MOXD1: variants seen among roughly 807,000 people sequenced by gnomAD.
MOXD1 encodes DBH-like monooxygenase protein 1.
MOXD1 carries 62 observed loss-of-function variants against 66.6 expected under a neutral mutation model. The ratio of observed to expected loss-of-function variants is 0.93; its 90% CI spans 0.76 to 1.15. The LOEUF (loss-of-function observed/expected upper bound fraction) is 1.15, where lower values mean the gene tolerates loss of function less well. Among genes scored for constraint, MOXD1 ranks in the 50% most tolerant of loss-of-function variants. MOXD1 has a pLI of 0.00. For synonymous variants in MOXD1, 303 were observed against 281.9 expected (o/e 1.07, Z -0.75); for missense variants, 847 against 754.6 (o/e 1.12, Z -1.44).
intron 4 of MOXD1, among the ~76,000 whole-genome samples, chr6:132,331,790 T>A (rs1208769751): frequency 1.3e-5 from 2 of 152,302 alleles, no homozygotes; most frequent in East Asian, 3.9e-4. Context: ...CCAAAGTCTG[T>A]ACTTTCCTAC....
chr6:132,386,434 A>AAAC (rs1562300069), intron 1 of MOXD1, among the ~76,000 whole-genome samples: 7 of 111,880 alleles, frequency 6.3e-5, no homozygotes, highest in African/African-American at 2.1e-4. Context: ...AAAACAAAAC[A>AAAC]AAAAAAAAAA....
chr6:132,348,130 A>T (rs1006063206), intron 4 of MOXD1, among the ~76,000 whole-genome samples: 3 of 152,156 alleles, frequency 2.0e-5, no homozygotes, highest in Non-Finnish European at 4.4e-5. Flanking sequence ...AAAGGTCCTA[A>T]ATCTCCTGTT....
intron 4 of MOXD1, among the ~76,000 whole-genome samples, chr6:132,340,637 C>CTTTTTTTTTTTTTTT (rs1582582157): frequency 3.9e-5 from 4 of 102,984 alleles, no homozygotes; most frequent in African/African-American, 2.5e-4. Context: ...CAACAAGACT[C>CTTTTTTTTTTTTTTT]ATTTTTTTTT....
At chr6:132,349,388 TATATACAC>T (rs1775738152) in intron 4 of MOXD1, among the ~76,000 whole-genome samples, 1 of 84,788 alleles carries the variant, frequency 1.2e-5, no homozygotes, top group Non-Finnish European at 2.3e-5. Flanking sequence ...CATGTATATA[TATATACAC>T]ATATATATAC....
chr6:132,296,796 A>G lies in MOXD1; in HGVS notation c.*357T>C. 6.2e-6 allele frequency: 1 copy of G among 161,034 alleles called. No homozygotes were observed. Among genetic ancestry groups the G allele is most frequent in the Non-Finnish European group, 1.4e-5 (1 of 73,884 alleles). The allele number at this position is 161,034 out of a possible 1,614,324, so 10.0% of individuals were successfully genotyped here. A position where few individuals can be genotyped will look rare whatever the true frequency, so the allele number is the denominator to read the frequency against. On this transcript the variant is annotated 3_prime_UTR_variant, in exon 12 of 12. Transcript: ENST00000367963. ...AGGAAGGAATTTTTTAAAGAAATAT[A>G]AAAGTCAAGTCAAAAAGTGAAATAG...
chr6:132,324,423 A>G (rs1775144760), intron 6 of MOXD1, among the ~76,000 whole-genome samples: 1 of 152,218 alleles, frequency 6.6e-6, no homozygotes, highest in Admixed American at 6.5e-5. Flanking sequence ...GAAGATTCTA[A>G]AGTCATTCAT....
At chr6:132,382,256 T>C (rs1482936408) in intron 1 of MOXD1, among the ~76,000 whole-genome samples, 8 of 152,152 alleles carry the variant, frequency 5.3e-5, no homozygotes, top group Admixed American at 3.9e-4. Context: ...ATCATGATTC[T>C]GTATAAATTT....
rs78814127 is a variant in MOXD1 at position 132,311,102 on chromosome 6, G to A, written c.1508+4533C>T. On this transcript the variant is annotated intron_variant, in intron 10 of 11. Coordinates refer to ENST00000367963, the MANE Select transcript of MOXD1 (RefSeq NM_015529.4). The stretch of plus-strand genomic sequence containing the variant: ...AAGTAAAGGAAAAATTCCTCCATTC[G>A]TCCAGAGAGATCTCCCAAGGGAAAG... 1.2e-4 allele frequency among the ~76,000 whole-genome samples: 19 copies of A among 152,110 alleles called. No homozygotes were observed. The East Asian group carries it at 2.3e-3, about 19-fold the overall frequency.
intron 1 of MOXD1, among the ~76,000 whole-genome samples, chr6:132,396,540 C>A (rs1776879782): frequency 7.4e-6 from 1 of 135,418 alleles, no homozygotes; most frequent in African/African-American, 3.0e-5. Flanking sequence ...ATCAGAGCAA[C>A]ACTAAACAAA....
chr6:132,308,973 C>T (rs972726863), intron 10 of MOXD1, among the ~76,000 whole-genome samples: 2 of 152,112 alleles, frequency 1.3e-5, no homozygotes, highest in Non-Finnish European at 1.5e-5. Context: ...ACAAGGATGC[C>T]CTCTCTCACC....
intron 4 of MOXD1, among the ~76,000 whole-genome samples, chr6:132,346,463 T>G (rs1343357087): frequency 2.0e-5 from 3 of 152,138 alleles, no homozygotes; most frequent in Non-Finnish European, 4.4e-5. Flanking sequence ...TCAATGACAT[T>G]TTTTATTTCT....
chr6:132,335,619 C>T (rs1775420921), intron 4 of MOXD1, among the ~76,000 whole-genome samples: 1 of 152,180 alleles, frequency 6.6e-6, no homozygotes, highest in African/African-American at 2.4e-5. Context: ...TGGAAGGAAC[C>T]TGGCCCTGCC....
chr6:132,364,048 T>A (rs972474703), intron 4 of MOXD1, among the ~76,000 whole-genome samples: 3 of 151,820 alleles, frequency 2.0e-5, no homozygotes, highest in Non-Finnish European at 4.4e-5. Context: ...GAAGAAAAAT[T>A]AAAAAATAAA....
chr6:132,399,311 T>C (rs1776968319), intron 1 of MOXD1, among the ~76,000 whole-genome samples: 1 of 152,246 alleles, frequency 6.6e-6, no homozygotes, highest in South Asian at 2.1e-4. Context: ...AATGATTTTA[T>C]TTCCTTAGGA....
Position 132,309,449 on chromosome 6 carries a change from C to T in MOXD1, c.1508+6186G>A, listed in dbSNP as rs1334643637. Among the ~76,000 whole-genome samples the T allele has an allele frequency of 2.0e-5, 3 of 152,052 alleles. 1 individual carries two copies. The highest frequency in any genetic ancestry group is 4.1e-4 in the South Asian group (2 of 4,830). On this transcript the variant is annotated intron_variant, in intron 10 of 11. Transcript: ENST00000367963. ...TCATGAAAATGGTCATACTGCCCAA[C>T]GTAATTTATAGATTCAACGCTATTT...
At chr6:132,299,588 G>T (rs1042300736) in intron 10 of MOXD1, among the ~76,000 whole-genome samples, 2 of 152,224 alleles carry the variant, frequency 1.3e-5, no homozygotes, top group African/African-American at 4.8e-5. Context: ...CAGAAAAAGT[G>T]AAGTGAAAAA....
intron 1 of MOXD1, among the ~76,000 whole-genome samples, chr6:132,384,492 C>G (rs191141715): frequency 6.6e-6 from 1 of 152,148 alleles, no homozygotes; most frequent in Admixed American, 6.5e-5. Context: ...GAAACTTAAA[C>G]AATAAAATAT....
intron 4 of MOXD1, among the ~76,000 whole-genome samples, chr6:132,364,756 A>G (rs1380348639): frequency 6.6e-6 from 1 of 152,222 alleles, no homozygotes; most frequent in Admixed American, 6.5e-5. Context: ...ATTGCCAAAC[A>G]TATAAGCACT....
intron 4 of MOXD1, among the ~76,000 whole-genome samples, chr6:132,334,334 TTC>T (rs1775392042): frequency 1.3e-5 from 2 of 152,310 alleles, no homozygotes; most frequent in South Asian, 4.1e-4. Context: ...ACCTCTGAAA[TTC>T]TCTTTCTGTG....
Sources: gnomAD v4.1 joint callset for allele counts (sites outside exome capture counted in the v4.1 genomes callset) on GRCh38, gnomAD v4.1.1 for gene constraint, MANE v1.5 for transcripts, NCBI Gene and HGNC (gene_info 2026-07-23, HGNC 2026-07-21) for gene names.